Variants in TBC1D23 observed in about 807,000 individuals in gnomAD.
The protein encoded by TBC1D23 is HCV non-structural protein 4A-transactivated protein 1.
Under a neutral mutation model 91.4 loss-of-function variants are expected in TBC1D23, and 55 were observed. The ratio of observed to expected loss-of-function variants is 0.60; its 90% CI spans 0.48 to 0.75. The LOEUF (loss-of-function observed/expected upper bound fraction) is 0.75, where lower values mean the gene tolerates loss of function less well. Ranked by LOEUF, TBC1D23 falls within the 30% of genes least tolerant of loss-of-function variation. TBC1D23 has a pLI of 0.00. For synonymous variants in TBC1D23, 289 were observed against 281.0 expected (o/e 1.03, Z -0.28); for missense variants, 725 against 836.1 (o/e 0.87, Z 1.64).
intron 1 of TBC1D23, among the ~76,000 whole-genome samples, chr3:100,268,985 GTTT>G (rs1460017922): frequency 6.6e-6 from 1 of 152,092 alleles, no homozygotes; most frequent in Admixed American, 6.6e-5. Context: ...CAACAACTGA[GTTT>G]TTTTCTTAGC....
chr3:100,286,304 G>A (rs987682992), intron 4 of TBC1D23, among the ~76,000 whole-genome samples: 2 of 152,170 alleles, frequency 1.3e-5, no homozygotes, highest in African/African-American at 4.8e-5. Flanking sequence ...CTGGAGAATG[G>A]TGGTGATGGT....
chr3:100,282,568 A>T (rs2067704249), intron 3 of TBC1D23, among the ~76,000 whole-genome samples: 1 of 152,164 alleles, frequency 6.6e-6, no homozygotes, highest in Non-Finnish European at 1.5e-5. Flanking sequence ...CATCTATTTC[A>T]TTTCACAATG....
At chr3:100,261,364 AG>A in intron 1 of TBC1D23, 1 of 453,514 alleles carries the variant, frequency 2.2e-6, no homozygotes, top group Non-Finnish European at 4.0e-6. Context: ...GGGTGGCTTC[AG>A]GGCTGGGTTT....
At chr3:100,269,597 G>A (rs773322887) in intron 1 of TBC1D23, among the ~76,000 whole-genome samples, 10 of 152,172 alleles carry the variant, frequency 6.6e-5, no homozygotes, top group Non-Finnish European at 1.5e-4. Flanking sequence ...ACATACTGTG[G>A]TCCTTGAGCT....
At chr3:100,268,555 G>A (rs578043613) in intron 1 of TBC1D23, among the ~76,000 whole-genome samples, 1 of 152,268 alleles carries the variant, frequency 6.6e-6, no homozygotes, top group Admixed American at 6.5e-5. Context: ...TTCAAGACAA[G>A]GAATGTTGGT....
In TBC1D23 at chr3:100,311,869, T is replaced by C. The variant is rs1705631470; in HGVS notation, c.1590T>C (p.Cys530=). ...ATCTTCCTTGGCCAGACAGATCATGTACAGAGCGGTAAGCCAATGAGTAGA... is the reference window on the plus strand; with the variant it reads ...ATCTTCCTTGGCCAGACAGATCATGCACAGAGCGGTAAGCCAATGAGTAGA... ...SFNLPWPDRS[C]TERHVSSSDR... The change falls in exon 15 of 19, where the codon TGT becomes TGC. Residue 530 remains cysteine (C), a synonymous_variant. Transcript: ENST00000394144. 1 of 1,534,256 alleles carries C rather than the reference T, an allele frequency of 6.5e-7. No individual in the cohort carries two copies. The highest frequency in any genetic ancestry group is 8.7e-7 in the Non-Finnish European group (1 of 1,144,944).
intron 1 of TBC1D23, among the ~76,000 whole-genome samples, chr3:100,273,759 A>G (rs2067622479): frequency 6.6e-6 from 1 of 152,216 alleles, no homozygotes; most frequent in South Asian, 2.1e-4. Context: ...GACATAAGTA[A>G]TGGGGAAAGG....
At chr3:100,295,806 A>G (rs2067834234) in intron 7 of TBC1D23, among the ~76,000 whole-genome samples, 2 of 152,218 alleles carry the variant, frequency 1.3e-5, no homozygotes, top group African/African-American at 4.8e-5. Context: ...TTACTGTATT[A>G]TAATGATTTA....
intron 3 of TBC1D23, 96 bp from the exon 4 acceptor site, chr3:100,283,511 A>G: frequency 1.4e-6 from 1 of 712,404 alleles, no homozygotes; most frequent in Non-Finnish European, 2.4e-6. Context: ...CTCTAAATGC[A>G]CTAACATAGT....
intron 10 of TBC1D23, among the ~76,000 whole-genome samples, chr3:100,301,616 C>T (rs1319971764): frequency 5.3e-5 from 8 of 152,086 alleles, no homozygotes; most frequent in Admixed American, 2.0e-4. Flanking sequence ...CTTGTGTCTC[C>T]GTTACCTGGA....
At chr3:100,287,104 C>T (rs1000435652) in intron 4 of TBC1D23, among the ~76,000 whole-genome samples, 4 of 152,060 alleles carry the variant, frequency 2.6e-5, no homozygotes, top group African/African-American at 9.7e-5. Context: ...CAAGCTACCG[C>T]GCCCAGCCTT....
At chr3:100,281,530 A>G (rs978399687) in intron 2 of TBC1D23, among the ~76,000 whole-genome samples, 16 of 152,216 alleles carry the variant, frequency 1.1e-4, no homozygotes, top group Admixed American at 5.9e-4. Context: ...TGTATTCACT[A>G]AATCAACATG....
intron 4 of TBC1D23, among the ~76,000 whole-genome samples, chr3:100,288,925 T>C (rs1010408585): frequency 3.3e-5 from 5 of 152,150 alleles, no homozygotes; most frequent in African/African-American, 1.2e-4. Flanking sequence ...AAAAAGTAAC[T>C]ACCTCTGGCC....
In TBC1D23 at chr3:100,298,023, T is replaced by A. The variant is rs753999300; in HGVS notation, c.977T>A (p.Leu326His). Residue 326 changes from leucine to histidine, a missense_variant, in exon 9 of 19, where the codon CTT becomes CAT. By Grantham distance (99) the Leu-to-His change is moderately conservative (BLOSUM62 -3). Transcript: ENST00000394144. ...LCLAISVSEI[L>H]QANQLQGEGV... is the part of the protein sequence containing the mutation. ...CTGGCCATCTCCGTGTCAGAGATCCTTCAAGCGAATCAGCTACAAGGGGTA... is the reference window on the plus strand; with the variant it reads ...CTGGCCATCTCCGTGTCAGAGATCCATCAAGCGAATCAGCTACAAGGGGTA... The A allele has an allele frequency of 6.2e-7, 1 of 1,613,662 alleles. No homozygotes were observed. Among genetic ancestry groups the A allele is most frequent in the Admixed American group, 1.7e-5 (1 of 59,964 alleles).
At chr3:100,322,295 G>C (rs1332341336) in intron 18 of TBC1D23, among the ~76,000 whole-genome samples, 1 of 151,962 alleles carries the variant, frequency 6.6e-6, no homozygotes, top group Non-Finnish European at 1.5e-5. Flanking sequence ...GGGTTTCACC[G>C]TGTTAGCCAG....
chr3:100,290,660 G>C lies in TBC1D23; in HGVS notation c.559G>C (p.Asp187His). 6.2e-7 allele frequency: 1 copy of C among 1,612,376 alleles called. No individual in the cohort carries two copies. The highest frequency in any genetic ancestry group is 8.5e-7 in the Non-Finnish European group (1 of 1,178,824). ...TGAGCCTGAGCTTTGTTCTTATCTT[G>C]ATACAAAGAAAATTACTCCAGACTC... ...YHEPELCSYL[D>H]TKKITPDSYA... Residue 187 changes from aspartate to histidine, a missense_variant, in exon 5 of 19, where the codon GAT becomes CAT. Asp to His is a moderately conservative substitution (Grantham distance 81). Transcript: ENST00000394144.
At chr3:100,322,451 G>A (rs565535679) in intron 18 of TBC1D23, among the ~76,000 whole-genome samples, 1 of 152,230 alleles carries the variant, frequency 6.6e-6, no homozygotes, top group Admixed American at 6.5e-5. Flanking sequence ...GGATTTCTCA[G>A]GAGATTGATT....
chr3:100,320,128 C>T (rs759864797), intron 17 of TBC1D23, among the ~76,000 whole-genome samples: 5 of 152,080 alleles, frequency 3.3e-5, no homozygotes, highest in African/African-American at 9.7e-5. Flanking sequence ...CCCACCCCCT[C>T]GCTTCCCTTT....
At chr3:100,311,931 T>G (rs1268957701) in intron 15 of TBC1D23, 54 bp downstream of exon 15, 5 of 1,206,318 alleles carry the variant, frequency 4.1e-6, no homozygotes, top group South Asian at 1.3e-5. Context: ...TTTAATATGC[T>G]TCATGCCATC....
Sources: allele counts gnomAD v4.1 joint callset (sites outside exome capture counted in the v4.1 genomes callset), GRCh38; gene constraint gnomAD v4.1.1; transcripts MANE v1.5; gene names NCBI Gene and HGNC (gene_info 2026-07-23, HGNC 2026-07-21).